The following MET variants were observed in gnomAD, a reference collection of about 807,000 sequenced individuals.
MET encodes hepatocyte growth factor receptor.
In MET, 48 loss-of-function variants were observed where a neutral mutation model predicts 133.1. The ratio of observed to expected loss-of-function variants is 0.36; its 90% CI spans 0.29 to 0.46. The LOEUF (loss-of-function observed/expected upper bound fraction) is 0.46, where lower values mean the gene tolerates loss of function less well. Among genes scored for constraint, MET ranks in the 20% least tolerant of loss-of-function variants. The pLI, the probability that MET is intolerant of heterozygous loss-of-function variation, is 1.00. For synonymous variants in MET, 628 were observed against 616.5 expected (o/e 1.02, Z -0.28); for missense variants, 1,442 against 1,695.9 (o/e 0.85, Z 2.63).
At chr7:116,704,489 C>G (rs951688640) in intron 2 of MET, among the ~76,000 whole-genome samples, 1 of 152,046 alleles carries the variant, frequency 6.6e-6, no homozygotes, top group Non-Finnish European at 1.5e-5. Flanking sequence ...GGAATACTTG[C>G]GTAAAGAAAG....
intron 1 of MET, among the ~76,000 whole-genome samples, chr7:116,675,524 G>A (rs1456007207): frequency 6.6e-6 from 1 of 152,020 alleles, no homozygotes; most frequent in Non-Finnish European, 1.5e-5. Context: ...TACAAGATAG[G>A]CAAGTCTGAT....
intron 10 of MET, among the ~76,000 whole-genome samples, chr7:116,760,281 G>T (rs761858361): frequency 6.6e-6 from 1 of 151,820 alleles, no homozygotes; most frequent in Non-Finnish European, 1.5e-5. Context: ...CATTCTTCTT[G>T]TCCCTTTGTT....
At chr7:116,685,225 C>T (rs1188192255) in intron 1 of MET, among the ~76,000 whole-genome samples, 1 of 152,218 alleles carries the variant, frequency 6.6e-6, no homozygotes, top group Non-Finnish European at 1.5e-5. Context: ...TCATTCTCTA[C>T]AGTCCCTCTC....
chr7:116,757,925 A>G (rs1794252534), intron 8 of MET, 151 bp downstream of exon 8: 1 of 819,586 alleles, frequency 1.2e-6, no homozygotes, highest in East Asian at 2.7e-5. Flanking sequence ...TCCTCCTTCC[A>G]AAATTCATCT....
intron 2 of MET, among the ~76,000 whole-genome samples, chr7:116,716,076 T>G (rs1479812968): frequency 6.6e-6 from 1 of 151,734 alleles, no homozygotes; most frequent in African/African-American, 2.4e-5. Context: ...CATGGCAAAA[T>G]CCCATCTCTA....
At chr7:116,684,290 T>C (rs955040287) in intron 1 of MET, among the ~76,000 whole-genome samples, 5 of 152,244 alleles carry the variant, frequency 3.3e-5, no homozygotes, top group African/African-American at 4.8e-5. Flanking sequence ...TCCATAATGC[T>C]AGAAACTTTG....
At chr7:116,688,175 G>A (rs919939712) in intron 1 of MET, among the ~76,000 whole-genome samples, 5 of 152,004 alleles carry the variant, frequency 3.3e-5, no homozygotes, top group South Asian at 2.1e-4. Context: ...CTATTCAGTC[G>A]GTTTATCCTT....
rs1382410716 is a variant in MET, at chr7:116,755,369, T to C, written c.1716T>C (p.Ser572=). Residue 572 remains serine (S), a synonymous_variant, in exon 6 of 21, where the codon AGT becomes AGC. Transcript: ENST00000397752. ...LPAIYKVFPN[S]APLEGGTRLT... Reference sequence around the variant, plus strand: ...TGTCCTTGTAGGTTTTCCCAAATAGTGCACCCCTTGAAGGAGGGACAAGGC... The same window carrying C: ...TGTCCTTGTAGGTTTTCCCAAATAGCGCACCCCTTGAAGGAGGGACAAGGC... 1 of 1,614,118 alleles carries C rather than the reference T, an allele frequency of 6.2e-7. No individual in the cohort carries two copies. The highest frequency in any genetic ancestry group is 2.2e-5 in the East Asian group (1 of 44,880).
chr7:116,753,617 T>C (rs960356463), intron 5 of MET, among the ~76,000 whole-genome samples: 17 of 152,192 alleles, frequency 1.1e-4, no homozygotes, highest in African/African-American at 3.4e-4. Context: ...AATTTAATCC[T>C]AAAAATGAGA....
At chr7:116,795,258 T>A (rs1156238219) in intron 19 of MET, among the ~76,000 whole-genome samples, 1 of 152,160 alleles carries the variant, frequency 6.6e-6, no homozygotes, top group Non-Finnish European at 1.5e-5. Flanking sequence ...ACCACACAAA[T>A]TTAAATTTTG....
chr7:116,716,069 G>A (rs1792179591), intron 2 of MET, among the ~76,000 whole-genome samples: 1 of 151,958 alleles, frequency 6.6e-6, no homozygotes, highest in South Asian at 2.1e-4. Context: ...TGGGCAACAT[G>A]GCAAAATCCC....
intron 1 of MET, among the ~76,000 whole-genome samples, chr7:116,696,342 G>T (rs910477933): frequency 2.6e-5 from 4 of 152,130 alleles, no homozygotes; most frequent in East Asian, 3.9e-4. Context: ...GAAGAAAGGG[G>T]GGTCCTGCCA....
At chr7:116,710,012 T>C (rs570472090) in intron 2 of MET, among the ~76,000 whole-genome samples, 1 of 152,292 alleles carries the variant, frequency 6.6e-6, no homozygotes, top group South Asian at 2.1e-4. Context: ...TCCAACATCA[T>C]GGTAAACAAG....
chr7:116,784,793 C>T (rs1795260921), intron 19 of MET, among the ~76,000 whole-genome samples: 1 of 152,152 alleles, frequency 6.6e-6, no homozygotes, highest in South Asian at 2.1e-4. Context: ...TCATGCCTTC[C>T]CAACAGTCCC....
chr7:116,688,404 A>G (rs186037588), intron 1 of MET, among the ~76,000 whole-genome samples: 2 of 152,244 alleles, frequency 1.3e-5, no homozygotes, highest in Non-Finnish European at 2.9e-5. Flanking sequence ...AAATACTTGT[A>G]TAAGTTTTCA....
At chr7:116,682,604 A>G (rs1391057922) in intron 1 of MET, among the ~76,000 whole-genome samples, 2 of 152,242 alleles carry the variant, frequency 1.3e-5, no homozygotes, top group Admixed American at 1.3e-4. Flanking sequence ...TAACCATTTA[A>G]TGCCCAAACC....
intron 2 of MET, among the ~76,000 whole-genome samples, chr7:116,726,014 G>A (rs1213835400): frequency 6.8e-6 from 1 of 148,064 alleles, no homozygotes; most frequent in East Asian, 2.0e-4. Context: ...TCCAGCATGG[G>A]TGACAGGGGG....
At chr7:116,679,582 GT>G (rs1442545694) in intron 1 of MET, among the ~76,000 whole-genome samples, 6 of 152,160 alleles carry the variant, frequency 3.9e-5, no homozygotes, top group African/African-American at 1.2e-4. Flanking sequence ...CAGGTCGCTT[GT>G]ATGTATAAGC....
intron 5 of MET, among the ~76,000 whole-genome samples, chr7:116,745,449 C>A (rs919751471): frequency 1.3e-5 from 2 of 151,940 alleles, no homozygotes; most frequent in Admixed American, 1.3e-4. Flanking sequence ...CATATGGACC[C>A]AAAAAAGAGC....
Sources: gnomAD v4.1 joint callset for allele counts (sites outside exome capture counted in the v4.1 genomes callset) on GRCh38, gnomAD v4.1.1 for gene constraint, MANE v1.5 for transcripts, NCBI Gene and HGNC (gene_info 2026-07-23, HGNC 2026-07-21) for gene names.